Variants in FBN1 observed in about 807,000 individuals in gnomAD.
FBN1 encodes the protein fibrillin 1, also known as fibrillin-1.
Under a neutral mutation model 365.1 loss-of-function variants are expected in FBN1, and 29 were observed. The ratio of observed to expected loss-of-function variants is 0.08; its 90% CI spans 0.06 to 0.11. The LOEUF (loss-of-function observed/expected upper bound fraction) is 0.11, where lower values mean the gene tolerates loss of function less well. FBN1 is among the 10% of genes least tolerant of loss of function. The pLI is 1.00. For synonymous variants in FBN1, 1,210 were observed against 1,270.5 expected, an observed-to-expected ratio of 0.95 and a Z score of 1.01; for missense variants, 2,476 against 3,703.2, an observed-to-expected ratio of 0.67 and a Z score of 8.60.
chr15:48,577,914 T>C (rs1338846782), intron 6 of FBN1, among the ~76,000 whole-genome samples: 1 of 152,194 alleles, frequency 6.6e-6, no homozygotes. Context: ...AAAAGCAGTC[T>C]TCAGCTGGCA....
At chr15:48,414,623 A>G (rs529270400) in intron 64 of FBN1, among the ~76,000 whole-genome samples, 2 of 152,184 alleles carry the variant, frequency 1.3e-5, no homozygotes, top group South Asian at 4.1e-4. Flanking sequence ...CCGGCCGGGT[A>G]CAGTGGCTCT....
At chr15:48,608,765 T>C (rs959784888) in intron 4 of FBN1, among the ~76,000 whole-genome samples, 1 of 152,150 alleles carries the variant, frequency 6.6e-6, no homozygotes, top group Non-Finnish European at 1.5e-5. Flanking sequence ...CTAGACTAAA[T>C]CTGGCCCCAG....
At chr15:48,448,207 C>T (rs2043173702) in intron 46 of FBN1, among the ~76,000 whole-genome samples, 1 of 148,682 alleles carries the variant, frequency 6.7e-6, no homozygotes, top group Non-Finnish European at 1.5e-5. Flanking sequence ...AATGGTATTG[C>T]TTTAAAGTAG....
At chr15:48,542,612 A>T (rs1369842168) in intron 6 of FBN1, among the ~76,000 whole-genome samples, 1 of 152,186 alleles carries the variant, frequency 6.6e-6, no homozygotes, top group Non-Finnish European at 1.5e-5. Context: ...ACCTTAGGAC[A>T]TAATAGAATC....
intron 6 of FBN1, among the ~76,000 whole-genome samples, chr15:48,545,937 ATC>A: frequency 6.6e-6 from 1 of 152,018 alleles, no homozygotes; most frequent in East Asian, 1.9e-4. Flanking sequence ...AGGTGTGAGG[ATC>A]GCTTGCCGTA....
chr15:48,507,289 C>T (rs559276218), intron 15 of FBN1, among the ~76,000 whole-genome samples: 6 of 152,070 alleles, frequency 3.9e-5, no homozygotes, highest in Non-Finnish European at 5.9e-5. Context: ...AGCAATCATT[C>T]TCTTCCCTTT....
At chr15:48,495,877 C>T (rs549656970) in intron 20 of FBN1, among the ~76,000 whole-genome samples, 1 of 152,280 alleles carries the variant, frequency 6.6e-6, no homozygotes, top group Admixed American at 6.5e-5. Context: ...AGACACATAA[C>T]ATTTTCTTTA....
chr15:48,504,956 TACC>T (rs2043695561), intron 16 of FBN1, 66 bp downstream of exon 16: 2 of 1,602,796 alleles, frequency 1.2e-6, no homozygotes. Flanking sequence ...GAGCGTTTGT[TACC>T]ATTGGGCTTT....
At chr15:48,580,010 T>C (rs1233410517) in intron 6 of FBN1, among the ~76,000 whole-genome samples, 4 of 152,190 alleles carry the variant, frequency 2.6e-5, no homozygotes, top group Non-Finnish European at 4.4e-5. Context: ...TTCTGTTTCA[T>C]TCTCTTTCTT....
At chr15:48,507,599 C>T (rs1385280222) in intron 15 of FBN1, among the ~76,000 whole-genome samples, 1 of 152,126 alleles carries the variant, frequency 6.6e-6, no homozygotes, top group Non-Finnish European at 1.5e-5. Context: ...GCACATCTTG[C>T]CAAGGACTTA....
intron 6 of FBN1, among the ~76,000 whole-genome samples, chr15:48,571,815 A>G (rs1368065626): frequency 6.6e-6 from 1 of 152,234 alleles, no homozygotes; most frequent in African/African-American, 2.4e-5. Flanking sequence ...GTTACACATA[A>G]CGAAATAACA....
rs541460171 is a variant in FBN1, at chr15:48,644,915, C to G, written c.-146G>C. Reference sequence around the variant, plus strand: ...CCGGGCCGGGCTCCTCCCGCCTTCTCCAGGCGCTGCTCCCACTTCAGGCGG... The same window carrying G: ...CCGGGCCGGGCTCCTCCCGCCTTCTGCAGGCGCTGCTCCCACTTCAGGCGG... On this transcript the variant is annotated 5_prime_UTR_variant, in exon 2 of 66. Transcript: ENST00000316623. The G allele has an allele frequency of 3.0e-5, 21 of 707,726 alleles. No individual in the cohort carries two copies. Among genetic ancestry groups the G allele is most frequent in the Non-Finnish European group, 4.1e-5 (21 of 512,474 alleles). The allele number at this position is 707,726 out of a possible 1,614,324, so 43.8% of individuals were successfully genotyped here.
intron 6 of FBN1, among the ~76,000 whole-genome samples, chr15:48,584,975 C>A (rs756741714): frequency 6.6e-6 from 1 of 152,196 alleles, no homozygotes; most frequent in African/African-American, 2.4e-5. Context: ...CTTCTGGCTT[C>A]GCTTTTGCCT....
chr15:48,512,158 C>G (rs187032335), intron 13 of FBN1, among the ~76,000 whole-genome samples: 54 of 152,110 alleles, frequency 3.6e-4, no homozygotes, highest in Non-Finnish European at 7.6e-4. Flanking sequence ...GAAATCTCTA[C>G]GTGAGAACAA....
intron 45 of FBN1, among the ~76,000 whole-genome samples, chr15:48,449,987 T>C (rs991194783): frequency 6.6e-6 from 1 of 152,236 alleles, no homozygotes; most frequent in African/African-American, 2.4e-5. Flanking sequence ...TGAATCATCA[T>C]ACCATTTAGA....
chr15:48,639,269 G>GA (rs1210863087), intron 2 of FBN1, among the ~76,000 whole-genome samples: 17 of 152,228 alleles, frequency 1.1e-4, no homozygotes, highest in African/African-American at 3.9e-4. Flanking sequence ...GGAAGCTTAT[G>GA]AAAGCACCCA....
chr15:48,460,330 A>C lies in FBN1; in HGVS notation c.5225-13T>G, dbSNP rs367786211. ...GTAGCAAACTCATCTGCAATGATTA[A>C]ACAAAGGTGGGATGGGAGGATAGGG... On this transcript the variant is annotated splice_polypyrimidine_tract_variant and intron_variant, in intron 42 of 65. Coordinates refer to ENST00000316623, the MANE Select transcript of FBN1 (RefSeq NM_000138.5). 108 of 1,591,298 alleles carry C rather than the reference A, an allele frequency of 6.8e-5. No individual in the cohort carries two copies. Among genetic ancestry groups the C allele is most frequent in the Non-Finnish European group, 8.8e-5 (102 of 1,159,612 alleles).
Position 48,599,844 on chromosome 15 carries a change from C to T in FBN1, c.442+295G>A, listed in dbSNP as rs750337956. On this transcript the variant is annotated intron_variant, in intron 5 of 65. Coordinates refer to ENST00000316623, the MANE Select transcript of FBN1 (RefSeq NM_000138.5). The stretch of plus-strand genomic sequence containing the variant: ...GTGGAAGGTATGTGTCTGGAATGAA[C>T]AAGAATTCTGCTCCTTTGGTGGTGA... 2.0e-5 allele frequency among the ~76,000 whole-genome samples: 3 copies of T among 152,270 alleles called. No individual in the cohort carries two copies. In the East Asian group the frequency reaches 5.8e-4, roughly 29 times the overall value.
At chr15:48,609,499 T>C (rs1397367106) in intron 4 of FBN1, among the ~76,000 whole-genome samples, 1 of 152,164 alleles carries the variant, frequency 6.6e-6, no homozygotes, top group Non-Finnish European at 1.5e-5. Flanking sequence ...TAAAGTACAT[T>C]ATCAAATCTA....
Sources: allele counts gnomAD v4.1 joint callset (sites outside exome capture counted in the v4.1 genomes callset), GRCh38; gene constraint gnomAD v4.1.1; transcripts MANE v1.5; gene names NCBI Gene and HGNC (gene_info 2026-07-23, HGNC 2026-07-21).